Variants in STON2 observed in about 807,000 individuals in gnomAD.
STON2 encodes the protein stonin 2, also known as stonin-2.
A neutral mutation model predicts 65.7 loss-of-function variants in STON2; 29 were observed. That is an observed-to-expected ratio of 0.44 (90% CI 0.33 to 0.60). STON2 has a LOEUF of 0.60. Among genes scored for constraint, STON2 ranks in the 20% least tolerant of loss-of-function variants. The pLI, the probability that STON2 is intolerant of heterozygous loss-of-function variation, is 0.03. For missense variants in STON2, 1,054 were observed against 1,118.1 expected (o/e 0.94, Z 0.82); for synonymous variants, 404 against 414.2 (o/e 0.98, Z 0.30).
chr14:81,277,498 GGA>G lies in STON2; in HGVS notation c.1982_1983del (p.Phe661SerfsTer13), dbSNP rs761078789. On this transcript the variant is annotated frameshift_variant, in exon 6 of 8. Transcript: ENST00000614646. LOFTEE classifies it high-confidence loss of function. The part of the protein sequence containing the change: ...HVLTRIHILS[F>X]LSGLAECRLG... The stretch of plus-strand genomic sequence containing the variant: ...AGGCGGCACTCTGCGAGCCCAGACA[GGA>G]AACTCAGGATGTGGATCCGTGTCAA... 2 of 1,614,038 alleles carry G rather than the reference GGA, an allele frequency of 1.2e-6. No individual in the cohort carries two copies. Among genetic ancestry groups the G allele is most frequent in the African/African-American group, 2.7e-5 (2 of 74,934 alleles).
chr14:81,341,448 T>G (rs1250467872), intron 4 of STON2, among the ~76,000 whole-genome samples: 1 of 144,914 alleles, frequency 6.9e-6, no homozygotes. Context: ...TTATAAGTGT[T>G]TTTTTTTTGT....
At chr14:81,376,858 T>C (rs985295552) in intron 3 of STON2, among the ~76,000 whole-genome samples, 3 of 152,168 alleles carry the variant, frequency 2.0e-5, no homozygotes, top group African/African-American at 7.2e-5. Context: ...TCTCAACCTT[T>C]TTCTCATTAT....
chr14:81,348,733 A>G (rs1404136169), intron 4 of STON2, among the ~76,000 whole-genome samples: 2 of 152,166 alleles, frequency 1.3e-5, no homozygotes, highest in African/African-American at 4.8e-5. Flanking sequence ...TTCTTCTCAA[A>G]AATAGAAAAA....
chr14:81,427,754 T>C (rs1172836682), intron 1 of STON2, among the ~76,000 whole-genome samples: 3 of 151,174 alleles, frequency 2.0e-5, no homozygotes, highest in African/African-American at 7.3e-5. Context: ...GTGCTTTGAC[T>C]GCCCTGCTGA....
At position 81,278,752 on chromosome 14, in the gene STON2, GGA is replaced by G. The variant is rs748909875; in HGVS notation, c.743-15_743-14del. On this transcript the variant is annotated splice_polypyrimidine_tract_variant and intron_variant, in intron 5 of 7. Transcript: ENST00000614646. ...GAGGAGGAATTGTCTAAAAGGAAAAGGAGAACATATGAGCTACTGTTCAGGGG... is the reference window on the plus strand; with the variant it reads ...GAGGAGGAATTGTCTAAAAGGAAAAGGAACATATGAGCTACTGTTCAGGGG... 1 of 1,507,622 alleles carries G rather than the reference GGA, an allele frequency of 6.6e-7. No individual in the cohort carries two copies. Among genetic ancestry groups the G allele is most frequent in the Non-Finnish European group, 8.8e-7 (1 of 1,132,162 alleles). The allele number at this position is 1,507,622 out of a possible 1,614,324, so 93.4% of individuals were successfully genotyped here.
At chr14:81,347,211 A>C (rs1451755106) in intron 4 of STON2, among the ~76,000 whole-genome samples, 1 of 152,092 alleles carries the variant, frequency 6.6e-6, no homozygotes, top group African/African-American at 2.4e-5. Flanking sequence ...GAAGTTCCCA[A>C]TAAACAAAAT....
intron 3 of STON2, among the ~76,000 whole-genome samples, chr14:81,381,864 C>T (rs893502977): frequency 3.3e-5 from 5 of 152,090 alleles, no homozygotes; most frequent in African/African-American, 9.7e-5. Context: ...CCAGGATACA[C>T]GTTAAAAATG....
chr14:81,396,256 G>A, intron 2 of STON2, 78 bp from the exon 3 acceptor site: 2 of 1,445,496 alleles, frequency 1.4e-6, no homozygotes, highest in Admixed American at 2.2e-5. Flanking sequence ...AAAAACTAAG[G>A]ATGACCATGG....
chr14:81,313,253 G>A (rs567985341), intron 5 of STON2, among the ~76,000 whole-genome samples: 1 of 152,150 alleles, frequency 6.6e-6, no homozygotes, highest in South Asian at 2.1e-4. Context: ...GCATATTTTG[G>A]GTCTTAGAGG....
intron 5 of STON2, among the ~76,000 whole-genome samples, chr14:81,302,238 C>A (rs1349075149): frequency 2.0e-5 from 3 of 152,184 alleles, no homozygotes; most frequent in East Asian, 1.9e-4. Context: ...GCATCAGATA[C>A]CCCTATCTGT....
At chr14:81,342,584 C>T (rs1447670841) in intron 4 of STON2, among the ~76,000 whole-genome samples, 1 of 152,110 alleles carries the variant, frequency 6.6e-6, no homozygotes, top group African/African-American at 2.4e-5. Flanking sequence ...GCCCTGTGTG[C>T]TGTGTGGGGC....
upstream of STON2, among the ~76,000 whole-genome samples, chr14:81,402,729 C>T (rs1900667590): frequency 6.6e-6 from 1 of 152,182 alleles, no homozygotes; most frequent in Non-Finnish European, 1.5e-5. Context: ...ACTGCCAATG[C>T]CTTGGCTCAG....
chr14:81,300,998 T>C (rs1895948433), intron 5 of STON2, among the ~76,000 whole-genome samples: 1 of 152,042 alleles, frequency 6.6e-6, no homozygotes, highest in South Asian at 2.1e-4. Flanking sequence ...ACTATAGCAA[T>C]AAAAATAAAA....
At chr14:81,427,725 A>AAG (rs978248589) in intron 1 of STON2, among the ~76,000 whole-genome samples, 1 of 151,362 alleles carries the variant, frequency 6.6e-6, no homozygotes, top group Non-Finnish European at 1.5e-5. Context: ...GAAAAAAAAA[A>AAG]AGAGAGAGAG....
chr14:81,343,078 C>A (rs912291606), intron 4 of STON2, among the ~76,000 whole-genome samples: 1 of 152,006 alleles, frequency 6.6e-6, no homozygotes, highest in Non-Finnish European at 1.5e-5. Context: ...ATACCAGTAC[C>A]GAGGGTTTAG....
At position 81,371,676 on chromosome 14, in the gene STON2, T is replaced by TCAAAA. The variant is rs58782661; in HGVS notation, c.374-492_374-491insTTTTG. On this transcript the variant is annotated intron_variant, in intron 3 of 7. Transcript: ENST00000614646. ...ACAACAGAATGAATGAGACTGAGTC[T>TCAAAA]AAAAAAAAAAAAAAAGAAAAGAAAA... Among the ~76,000 whole-genome samples, 65 of 97,656 alleles carry TCAAAA rather than the reference T, an allele frequency of 6.7e-4. 3 individuals carry two copies. Among genetic ancestry groups the TCAAAA allele is most frequent in the Middle Eastern group, 5.5e-3 (1 of 182 alleles). The allele number at this position is 97,656 out of a possible 152,430, so 64.1% of individuals were successfully genotyped here. A position where few individuals can be genotyped will look rare whatever the true frequency, so the allele number is the denominator to read the frequency against.
chr14:81,280,828 T>C (rs1352992335), intron 5 of STON2, among the ~76,000 whole-genome samples: 1 of 151,830 alleles, frequency 6.6e-6, no homozygotes, highest in Non-Finnish European at 1.5e-5. Flanking sequence ...CTGGCAAAAA[T>C]GGTGAAACCC....
In STON2 at chr14:81,265,738, A is replaced by AT; in HGVS notation, c.*2675dup. The AT allele has an allele frequency of 1.0e-6, 1 of 958,688 alleles. No homozygotes were observed. The highest frequency in any genetic ancestry group is 1.2e-6 in the Non-Finnish European group (1 of 807,780). 59.4% of individuals were successfully genotyped at this position (958,688 alleles called of 1,614,324 possible). A position where few individuals can be genotyped will look rare whatever the true frequency, so the allele number is the denominator to read the frequency against. On this transcript the variant is annotated 3_prime_UTR_variant, in exon 8 of 8. Transcript: ENST00000614646. ...GCAGAATATAGATAGCATAGAAGGG[A>AT]TTTTTCCCAACTCTTGGTAAAAAAA... is the stretch of plus-strand genomic sequence containing the variant.
At chr14:81,342,626 C>T (rs1897656707) in intron 4 of STON2, among the ~76,000 whole-genome samples, 1 of 152,172 alleles carries the variant, frequency 6.6e-6, no homozygotes, top group Admixed American at 6.5e-5. Context: ...GCTCTATTCC[C>T]GGTCCCCATA....
Sources: gnomAD v4.1 joint callset for allele counts (sites outside exome capture counted in the v4.1 genomes callset) on GRCh38, gnomAD v4.1.1 for gene constraint, MANE v1.5 for transcripts, NCBI Gene and HGNC (gene_info 2026-07-23, HGNC 2026-07-21) for gene names.